Variants in FBXL22 observed in about 807,000 individuals in gnomAD.
FBXL22 encodes F-box and leucine rich repeat protein 22, also known as F-box and leucine-rich protein 22.
FBXL22 carries 13 observed loss-of-function variants against 11.7 expected under a neutral mutation model. The observed-to-expected ratio is 1.11, with a 90% CI of 0.73 to 1.77. The LOEUF (loss-of-function observed/expected upper bound fraction) is 1.77, where lower values mean the gene tolerates loss of function less well. Ranked by LOEUF, FBXL22 falls within the 40% of genes most tolerant of loss-of-function variation. The pLI is 0.00. For missense variants in FBXL22, 406 were observed against 320.4 expected, an observed-to-expected ratio of 1.27 and a Z score of -2.04; for synonymous variants, 160 against 144.1, an observed-to-expected ratio of 1.11 and a Z score of -0.79.
chr15:63,598,464 CAGACAT>C (rs1289642246), intron 1 of FBXL22, among the ~76,000 whole-genome samples: 1 of 152,234 alleles, frequency 6.6e-6, no homozygotes, highest in Non-Finnish European at 1.5e-5. Flanking sequence ...ACCCCAGACA[CAGACAT>C]AGACACTGAA....
In FBXL22 at chr15:63,599,529, T is replaced by C. The variant is rs971698814; in HGVS notation, c.354-1168T>C. 4.5e-6 allele frequency: 5 copies of C among 1,109,832 alleles called. No individual in the cohort carries two copies. The East Asian group carries it at 1.7e-4, about 39-fold the overall frequency. The allele number at this position is 1,109,832 out of a possible 1,614,324, so 68.7% of individuals were successfully genotyped here. ...GAGCCAGTTTCTTCATGTACAAAAC[T>C]GGGGGTGCAGAGGTTGACGGGGTGA... On this transcript the variant is annotated intron_variant, in intron 1 of 1. Coordinates refer to ENST00000638704, the MANE Select transcript of FBXL22 (RefSeq NM_001367807.1).
At chr15:63,600,460 A>G in intron 1 of FBXL22, 1 of 1,216,582 alleles carries the variant, frequency 8.2e-7, no homozygotes, top group Non-Finnish European at 1.0e-6. Context: ...GGGGCTCCCA[A>G]GGCTACGAGC....
downstream of FBXL22, among the ~76,000 whole-genome samples, chr15:63,604,244 T>C (rs543099003): frequency 4.9e-4 from 74 of 152,292 alleles, no homozygotes; most frequent in Non-Finnish European, 8.2e-4. Flanking sequence ...CTTTTGGGGT[T>C]CTTTTAAGGA....
chr15:63,602,576 CTCT>C (rs1423599432), downstream of FBXL22: 1 of 113,462 alleles, frequency 8.8e-6, no homozygotes, highest in East Asian at 2.4e-4. Context: ...GACAGAGAGA[CTCT>C]TGTCTCAAAA....
At position 63,599,792 on chromosome 15, in the gene FBXL22, C is replaced by G. The variant is rs555261170; in HGVS notation, c.354-905C>G. 3.1e-5 allele frequency: 31 copies of G among 986,306 alleles called. No individual in the cohort carries two copies. The African/African-American group carries it at 3.7e-4, about 12-fold the overall frequency. 61.1% of individuals were successfully genotyped at this position (986,306 alleles called of 1,614,324 possible). A position where few individuals can be genotyped will look rare whatever the true frequency, so the allele number is the denominator to read the frequency against. On this transcript the variant is annotated intron_variant, in intron 1 of 1. Transcript: ENST00000638704. ...GGCCCCGGCCCATTAGTCGGTCCTT[C>G]TGGACTGGAAGCAGGCTGGTCCCGT... is the stretch of plus-strand genomic sequence containing the variant.
At chr15:63,599,529 T>G (rs971698814) in intron 1 of FBXL22, 91 of 1,109,832 alleles carry the variant, frequency 8.2e-5, no homozygotes, top group Non-Finnish European at 9.8e-5. Context: ...TGTACAAAAC[T>G]GGGGGTGCAG....
chr15:63,601,479 G>T (rs2067370688), downstream of FBXL22: 1 of 1,556,188 alleles, frequency 6.4e-7, no homozygotes, highest in Non-Finnish European at 8.7e-7. Flanking sequence ...GCCTCCGGGC[G>T]GAGCGACCCA....
In FBXL22 at chr15:63,597,661, A is replaced by C; in HGVS notation, c.269A>C (p.Asp90Ala). 6.2e-7 allele frequency: 1 copy of C among 1,612,070 alleles called. No homozygotes were observed. Among genetic ancestry groups the C allele is most frequent in the Non-Finnish European group, 8.5e-7 (1 of 1,179,256 alleles). ...SSRVQVCSIEDWLKSAFQRSI... is the reference protein window; with the variant it reads ...SSRVQVCSIEAWLKSAFQRSI... ...CGCGTGCAGGTGTGCAGCATTGAGGACTGGCTCAAGAGTGCCTTCCAGAGA... is the reference window on the plus strand; with the variant it reads ...CGCGTGCAGGTGTGCAGCATTGAGGCCTGGCTCAAGAGTGCCTTCCAGAGA... The change falls in exon 1 of 2, where the codon GAC becomes GCC. Residue 90 changes from aspartate to alanine, a missense_variant. Coordinates refer to ENST00000638704, the MANE Select transcript of FBXL22 (RefSeq NM_001367807.1). This position sits in a 1 kb window ranked among gnomAD's most constrained non-coding sequence, Gnocchi z 4.3.
downstream of FBXL22, chr15:63,601,823 AAAAC>A (rs2067377739): frequency 4.0e-6 from 5 of 1,252,540 alleles, no homozygotes; most frequent in Non-Finnish European, 5.3e-6. Flanking sequence ...AAACTAAACA[AAAAC>A]AAAACCAGCA....
At chr15:63,600,467 G>C in intron 1 of FBXL22, 3 of 1,218,876 alleles carry the variant, frequency 2.5e-6, no homozygotes, top group Non-Finnish European at 2.0e-6. Flanking sequence ...CCAAGGCTAC[G>C]AGCCAAGAAC....
At chr15:63,601,679 C>G (rs748891525), downstream of FBXL22, 2 of 1,605,722 alleles carry the variant, frequency 1.2e-6, no homozygotes, top group East Asian at 2.2e-5. Context: ...GATGCGTTCC[C>G]GCAGTGACCG....
chr15:63,600,623 C>T lies in FBXL22; in HGVS notation c.354-74C>T. 3 of 1,230,706 alleles carry T rather than the reference C, an allele frequency of 2.4e-6. No individual in the cohort carries two copies. In the African/African-American group the frequency reaches 4.7e-5, roughly 19 times the overall value. The allele number at this position is 1,230,706 out of a possible 1,614,324, so 76.2% of individuals were successfully genotyped here. On this transcript the variant is annotated intron_variant, in intron 1 of 1. Coordinates refer to ENST00000638704, the MANE Select transcript of FBXL22 (RefSeq NM_001367807.1). ...CCCGAGTCCTCCTCGGTAAATGAGT[C>T]CACTCGGTCCCATGGGGCGGTTGGG... is the stretch of plus-strand genomic sequence containing the variant.
chr15:63,600,530 G>A (rs764704360), intron 1 of FBXL22, 167 bp from the exon 2 acceptor site: 30 of 1,228,942 alleles, frequency 2.4e-5, no homozygotes, highest in Non-Finnish European at 2.6e-5. Context: ...GAGGGAAAAT[G>A]GGCCGGCCAG....
At chr15:63,601,761 C>A (rs917806306), downstream of FBXL22, 7 of 1,481,984 alleles carry the variant, frequency 4.7e-6, no homozygotes, top group Non-Finnish European at 6.3e-6. Flanking sequence ...CCCATATTTT[C>A]TACTGTTCTC....
At chr15:63,600,674 G>T in intron 1 of FBXL22, 23 bp from the exon 2 acceptor site, 1 of 1,231,310 alleles carries the variant, frequency 8.1e-7, no homozygotes, top group Non-Finnish European at 1.0e-6. Flanking sequence ...AGTGAGCCCC[G>T]GGTCACCGCA....
intron 1 of FBXL22, chr15:63,600,426 G>T: frequency 8.4e-7 from 1 of 1,193,770 alleles, no homozygotes; most frequent in Non-Finnish European, 1.0e-6. Context: ...GACTCTGCTG[G>T]GCCGGGGTCG....
chr15:63,606,860 G>A (rs1595800108), downstream of FBXL22, among the ~76,000 whole-genome samples: 2 of 152,130 alleles, frequency 1.3e-5, no homozygotes, highest in Non-Finnish European at 2.9e-5. Context: ...AGCCTTCTGG[G>A]GGTCCTCCTG....
In FBXL22 at chr15:63,600,856, G is replaced by A. The variant is rs2067358818; in HGVS notation, c.513G>A (p.Gly171=). The part of the protein sequence containing the change: ...NRTLAAVAAD[G]RALQTLHVDF... ...CGTTGGCTGCCGTGGCGGCGGACGGGCGCGCGCTGCAGACATTGCACGTGG... is the reference window on the plus strand; with the variant it reads ...CGTTGGCTGCCGTGGCGGCGGACGGACGCGCGCTGCAGACATTGCACGTGG... Residue 171 remains glycine (G), a synonymous_variant, in exon 2 of 2, where the codon GGG becomes GGA. Transcript: ENST00000638704. The A allele has an allele frequency of 4.9e-6, 6 of 1,229,560 alleles. No homozygotes were observed. The South Asian group carries it at 1.6e-4, about 34-fold the overall frequency. The allele number at this position is 1,229,560 out of a possible 1,614,324, so 76.2% of individuals were successfully genotyped here. A position where few individuals can be genotyped will look rare whatever the true frequency, so the allele number is the denominator to read the frequency against.
intron 1 of FBXL22, chr15:63,599,940 C>G: frequency 1.0e-6 from 1 of 985,596 alleles, no homozygotes. Flanking sequence ...GAGTGACTGA[C>G]ACGGCGATAA....
Sources: gnomAD v4.1 joint callset for allele counts (sites outside exome capture counted in the v4.1 genomes callset) on GRCh38, gnomAD v4.1.1 for gene constraint, Gnocchi (gnomAD v3.1) non-coding constraint, MANE v1.5 for transcripts, NCBI Gene and HGNC (gene_info 2026-07-23, HGNC 2026-07-21) for gene names.